NOL4: variants seen among roughly 807,000 people sequenced by gnomAD.
NOL4 encodes cancer/testis antigen 125.
In NOL4, 17 loss-of-function variants were observed where a neutral mutation model predicts 75.9. The ratio of observed to expected loss-of-function variants is 0.22; its 90% confidence interval spans 0.15 to 0.34. NOL4 has a LOEUF of 0.34. Ranked by LOEUF, NOL4 falls within the 10% of genes least tolerant of loss-of-function variation. NOL4 has a pLI of 1.00. For missense variants in NOL4, 614 were observed against 793.5 expected, an observed-to-expected ratio of 0.77 and a Z score of 2.72; for synonymous variants, 292 against 289.9, an observed-to-expected ratio of 1.01 and a Z score of -0.07.
intron 1 of NOL4, among the ~76,000 whole-genome samples, chr18:34,195,076 G>A (rs559629561): frequency 1.5e-4 from 22 of 151,128 alleles, no homozygotes; most frequent in Non-Finnish European, 3.1e-4. Flanking sequence ...CTACCTAAAT[G>A]TGAATATGTG....
At chr18:34,151,106 G>A (rs575692922) in intron 1 of NOL4, among the ~76,000 whole-genome samples, 2 of 151,816 alleles carry the variant, frequency 1.3e-5, no homozygotes, top group Admixed American at 1.3e-4. Flanking sequence ...AACGTTAATT[G>A]TGCATAGGAT....
chr18:34,106,290 G>C (rs2079275292), intron 2 of NOL4, among the ~76,000 whole-genome samples: 1 of 151,966 alleles, frequency 6.6e-6, no homozygotes, highest in African/African-American at 2.4e-5. Flanking sequence ...CAGAAGCCTA[G>C]CCTTGAGAAA....
chr18:33,861,124 G>T (rs2063102965), intron 10 of NOL4, among the ~76,000 whole-genome samples: 1 of 152,060 alleles, frequency 6.6e-6, no homozygotes, highest in Non-Finnish European at 1.5e-5. Context: ...GCCCGGCTTT[G>T]GTATCAGGAT....
intron 6 of NOL4, among the ~76,000 whole-genome samples, chr18:33,966,168 T>C (rs898367879): frequency 1.3e-5 from 2 of 152,150 alleles, no homozygotes; most frequent in African/African-American, 2.4e-5. Context: ...TTGTAAAGCC[T>C]GAAAGTTATA....
Position 34,150,622 on chromosome 18 carries a change from T to A in NOL4, c.265-20602A>T, listed in dbSNP as rs566586269. ...TAGACTAAATGTTAAATACAAAAAA[T>A]ATATACAACTTTTGTCCTAGAAGAT... On this transcript the variant is annotated intron_variant, in intron 1 of 10. Coordinates refer to ENST00000261592, the MANE Select transcript of NOL4 (RefSeq NM_003787.5). 2.3e-4 allele frequency among the ~76,000 whole-genome samples: 35 copies of A among 151,716 alleles called. No individual in the cohort carries two copies. The East Asian group carries it at 6.2e-3, about 27-fold the overall frequency.
intron 10 of NOL4, among the ~76,000 whole-genome samples, chr18:33,881,616 A>C (rs2064278757): frequency 6.6e-6 from 1 of 151,910 alleles, no homozygotes; most frequent in South Asian, 2.1e-4. Flanking sequence ...TATCGTGAAA[A>C]TGGCCATACT....
At chr18:34,125,450 T>A (rs2080340955) in intron 2 of NOL4, among the ~76,000 whole-genome samples, 1 of 152,174 alleles carries the variant, frequency 6.6e-6, no homozygotes, top group South Asian at 2.1e-4. Context: ...ATTTGGTTAA[T>A]TAGTCCCATT....
chr18:34,102,387 A>G (rs117860207), intron 4 of NOL4, among the ~76,000 whole-genome samples: 4,155 of 152,154 alleles, frequency 0.027, 91 homozygotes, highest in Non-Finnish European at 0.038. Flanking sequence ...TATTTCACTT[A>G]CATTCCATTT....
At chr18:33,885,134 A>C (rs967789952) in intron 9 of NOL4, among the ~76,000 whole-genome samples, 9 of 151,308 alleles carry the variant, frequency 5.9e-5, no homozygotes, top group Admixed American at 2.0e-4. Flanking sequence ...TGTTGATATA[A>C]ATTTATTTTC....
At chr18:34,195,560 A>G (rs1485788764) in intron 1 of NOL4, among the ~76,000 whole-genome samples, 1 of 151,778 alleles carries the variant, frequency 6.6e-6, no homozygotes, top group Non-Finnish European at 1.5e-5. Context: ...ATAGATTGTT[A>G]CCTTTTCAAA....
chr18:33,998,127 GAAGA>G (rs1311008694), intron 6 of NOL4, among the ~76,000 whole-genome samples: 3 of 152,020 alleles, frequency 2.0e-5, no homozygotes, highest in African/African-American at 4.8e-5. Context: ...AGTAAGATGG[GAAGA>G]AAGAGAGTCA....
rs571378475 is a variant in NOL4 at position 34,156,806 on chromosome 18, C to T, written c.265-26786G>A. Reference sequence around the variant, plus strand: ...ATCTATAAGTATGAAACAGTTCAGCCACTCTTAATAAAAACATTCAATGGC... The same window carrying T: ...ATCTATAAGTATGAAACAGTTCAGCTACTCTTAATAAAAACATTCAATGGC... On this transcript the variant is annotated intron_variant, in intron 1 of 10. Coordinates refer to ENST00000261592, the MANE Select transcript of NOL4 (RefSeq NM_003787.5). 3.3e-5 allele frequency: 5 copies of T among 152,338 alleles called. No homozygotes were observed. In the South Asian group the frequency reaches 1.0e-3, roughly 32 times the overall value. 9.4% of individuals were successfully genotyped at this position (152,338 alleles called of 1,614,324 possible).
intron 10 of NOL4, among the ~76,000 whole-genome samples, chr18:33,859,877 C>T (rs890003857): frequency 2.0e-5 from 3 of 151,886 alleles, no homozygotes; most frequent in African/African-American, 7.3e-5. Context: ...AAGATCATGC[C>T]GCTACACTCC....
intron 5 of NOL4, among the ~76,000 whole-genome samples, chr18:34,077,634 T>C (rs2077810120): frequency 6.6e-6 from 1 of 152,082 alleles, no homozygotes; most frequent in African/African-American, 2.4e-5. Flanking sequence ...CCAAAGATCC[T>C]AATTTTAAGT....
intron 1 of NOL4, among the ~76,000 whole-genome samples, chr18:34,220,192 C>G (rs1273044434): frequency 6.6e-6 from 1 of 152,208 alleles, no homozygotes; most frequent in African/African-American, 2.4e-5. Context: ...TGTGTCTACT[C>G]TGTTCTAGTA....
chr18:34,031,248 T>C (rs942118433), intron 5 of NOL4, among the ~76,000 whole-genome samples: 2 of 152,238 alleles, frequency 1.3e-5, no homozygotes, highest in Non-Finnish European at 2.9e-5. Context: ...GCTAGTCCCC[T>C]ACTGCAGTGC....
At chr18:33,940,015 C>T (rs925082744) in intron 9 of NOL4, among the ~76,000 whole-genome samples, 5 of 152,030 alleles carry the variant, frequency 3.3e-5, no homozygotes, top group Non-Finnish European at 4.4e-5. Flanking sequence ...TCATCTCACG[C>T]CAGTTAGAAT....
At chr18:34,078,512 T>G (rs1484891313) in intron 5 of NOL4, among the ~76,000 whole-genome samples, 1 of 152,156 alleles carries the variant, frequency 6.6e-6, no homozygotes, top group Non-Finnish European at 1.5e-5. Context: ...ATCAATTACT[T>G]CCCACAAGTA....
chr18:34,106,131 A>G (rs1303663757), intron 2 of NOL4, among the ~76,000 whole-genome samples: 6 of 152,086 alleles, frequency 3.9e-5, no homozygotes, highest in African/African-American at 1.4e-4. Context: ...GCCACAGATG[A>G]TTTCTTAGGT....
Sources: gnomAD v4.1 joint callset for allele counts (sites outside exome capture counted in the v4.1 genomes callset) on GRCh38, gnomAD v4.1.1 for gene constraint, MANE v1.5 for transcripts, NCBI Gene and HGNC (gene_info 2026-07-23, HGNC 2026-07-21) for gene names.